The following LCORL variants were observed in gnomAD, a reference collection of about 807,000 sequenced individuals.
LCORL encodes ligand dependent nuclear receptor corepressor like.
LCORL carries 41 observed loss-of-function variants against 141.8 expected under a neutral mutation model. The observed-to-expected ratio is 0.29, with a 90% CI of 0.23 to 0.38. The LOEUF is 0.38. Ranked by LOEUF, LCORL falls within the 10% of genes least tolerant of loss-of-function variation. The pLI is 1.00. For missense variants in LCORL, 1,759 were observed against 2,035.0 expected, an observed-to-expected ratio of 0.86 and a Z score of 2.61; for synonymous variants, 618 against 694.1, an observed-to-expected ratio of 0.89 and a Z score of 1.72.
intron 1 of LCORL, among the ~76,000 whole-genome samples, chr4:17,974,054 A>G (rs1716478465): frequency 6.6e-6 from 1 of 152,102 alleles, no homozygotes; most frequent in African/African-American, 2.4e-5. Context: ...CTACTACTCG[A>G]GCAAGCTATC....
At chr4:17,912,407 ATGCCACTAAATCTCAGGACCT>A (rs978044154) in intron 4 of LCORL, 11 of 623,590 alleles carry the variant, frequency 1.8e-5, no homozygotes, top group African/African-American at 1.6e-4. Context: ...GCGGAGGTAG[ATGCCACTAAATCTCAGGACCT>A]TGCCAAGATC....
intron 1 of LCORL, among the ~76,000 whole-genome samples, chr4:17,990,004 G>A (rs1719674994): frequency 6.6e-6 from 1 of 151,698 alleles, no homozygotes; most frequent in South Asian, 2.1e-4. Flanking sequence ...TTAATATGTA[G>A]CTCCCTCCAT....
intron 4 of LCORL, among the ~76,000 whole-genome samples, chr4:17,911,329 G>A (rs1324825970): frequency 1.3e-5 from 2 of 151,988 alleles, no homozygotes; most frequent in Admixed American, 1.3e-4. Context: ...CATGGAAAAC[G>A]CATATTATAA....
chr4:17,905,644 G>C (rs961385142), intron 5 of LCORL, among the ~76,000 whole-genome samples: 1 of 151,962 alleles, frequency 6.6e-6, no homozygotes, highest in African/African-American at 2.4e-5. Flanking sequence ...ATTTGGCATG[G>C]AGAATTTCAT....
At chr4:17,938,577 C>T (rs1468700116) in intron 4 of LCORL, among the ~76,000 whole-genome samples, 1 of 151,160 alleles carries the variant, frequency 6.6e-6, no homozygotes. Flanking sequence ...CCACCACACC[C>T]GGCTAATTTT....
chr4:17,933,874 A>G (rs1736436445), intron 4 of LCORL, among the ~76,000 whole-genome samples: 3 of 152,010 alleles, frequency 2.0e-5, no homozygotes, highest in African/African-American at 7.2e-5. Context: ...TGAAGAGTTG[A>G]TATGTTTTCA....
At chr4:17,895,154 A>C (rs1729720990) in intron 5 of LCORL, among the ~76,000 whole-genome samples, 1 of 152,046 alleles carries the variant, frequency 6.6e-6, no homozygotes, top group Non-Finnish European at 1.5e-5. Flanking sequence ...TATTCACCTC[A>C]AACACTTGTC....
At chr4:17,887,394 G>A (rs1218024124) in intron 5 of LCORL, among the ~76,000 whole-genome samples, 1 of 152,108 alleles carries the variant, frequency 6.6e-6, no homozygotes, top group East Asian at 1.9e-4. Flanking sequence ...GGGTGGGGCT[G>A]AGAATGCTGC....
At chr4:17,914,515 C>T (rs1455765569) in intron 4 of LCORL, among the ~76,000 whole-genome samples, 1 of 152,086 alleles carries the variant, frequency 6.6e-6, no homozygotes, top group Admixed American at 6.6e-5. Flanking sequence ...GGAATAAGTC[C>T]ATGTTTGAGA....
intron 4 of LCORL, among the ~76,000 whole-genome samples, chr4:17,932,096 T>C (rs1736139223): frequency 2.0e-5 from 3 of 152,214 alleles, no homozygotes. Context: ...TGGCTTTCTT[T>C]ATTGTTTTCA....
chr4:17,935,137 CAGA>C (rs1384771603), intron 4 of LCORL, among the ~76,000 whole-genome samples: 7 of 152,094 alleles, frequency 4.6e-5, no homozygotes, highest in African/African-American at 4.8e-5. Flanking sequence ...TTGGTAGGTA[CAGA>C]AGAAGAAAGA....
chr4:17,954,748 T>C (rs2109559280), intron 4 of LCORL, among the ~76,000 whole-genome samples: 1 of 152,248 alleles, frequency 6.6e-6, no homozygotes, highest in East Asian at 1.9e-4. Flanking sequence ...AGGTTGCATG[T>C]GGGCTGTAAA....
At position 17,891,900 on chromosome 4, in the gene LCORL, T is replaced by C. The variant is rs368096479; in HGVS notation, c.683-5739A>G. On this transcript the variant is annotated intron_variant, in intron 5 of 7. Transcript: ENST00000635767. ...GTGCATGCACATACCTAGGTATGTA[T>C]GTGCCTACATATACACTTACACATA... Among the ~76,000 whole-genome samples the C allele has an allele frequency of 1.9e-4, 29 of 152,348 alleles. 1 individual carries two copies. The South Asian group carries it at 3.1e-3, about 16-fold the overall frequency.
At chr4:17,967,110 T>C (rs775681255) in intron 2 of LCORL, among the ~76,000 whole-genome samples, 1 of 152,094 alleles carries the variant, frequency 6.6e-6, no homozygotes, top group Non-Finnish European at 1.5e-5. Flanking sequence ...TGAAAAGTAA[T>C]AGAGGACCCT....
exon 8 of LCORL, chr4:17,842,010 T>A (rs1722459642): frequency 7.3e-6 from 2 of 274,946 alleles, no homozygotes; most frequent in Admixed American, 4.9e-5. Flanking sequence ...TAACACATTT[T>A]TCATATACTG....
At chr4:17,984,199 T>C (rs1255987528) in intron 1 of LCORL, among the ~76,000 whole-genome samples, 2 of 152,216 alleles carry the variant, frequency 1.3e-5, no homozygotes, top group South Asian at 2.1e-4. Flanking sequence ...TTTGCATCTA[T>C]GTTCTTCAAG....
chr4:17,878,340 A>G, intron 6 of LCORL, 127 bp from the exon 7 acceptor site: 1 of 498,936 alleles, frequency 2.0e-6, no homozygotes, highest in Non-Finnish European at 3.1e-6. Context: ...GAGAGCTGCA[A>G]TAATGGCATT....
rs555845728 is a variant in LCORL at position 18,021,585 on chromosome 4, G to C, written c.154+13C>G. ...CGCGCGGAGCCCGGGGCCCCGGCCC[G>C]CGTCTCTCTTACCTACACAGTGCAT... On this transcript the variant is annotated intron_variant, in intron 1 of 7. Coordinates refer to ENST00000635767, the Ensembl canonical transcript of LCORL. This position sits in a 1 kb window ranked among gnomAD's most constrained non-coding sequence, Gnocchi z 5.5. The C allele has an allele frequency of 3.3e-6, 5 of 1,516,336 alleles. No homozygotes were observed. The highest frequency in any genetic ancestry group is 2.2e-5 in the Admixed American group (1 of 46,250). The allele number at this position is 1,516,336 out of a possible 1,614,324, so 93.9% of individuals were successfully genotyped here.
rs755067795 is a variant in LCORL at position 17,909,112 on chromosome 4, C to G, written c.664G>C (p.Glu222Gln). The change falls in exon 5 of 8, where the codon GAA becomes CAA. Residue 222 changes from glutamate to glutamine, a missense_variant. Around this residue, in one of 5 missense-constraint regions of LCORL, gnomAD observed 1,311 missense variants for 1,531.3 expected, o/e 0.86. Coordinates refer to ENST00000635767, the Ensembl canonical transcript of LCORL. The stretch of plus-strand genomic sequence containing the variant: ...ATCTTACCTTGCTGAGTATTTTGTT[C>G]TTGCATTCGATTCACAGTGAGGTCT... 1 of 1,597,370 alleles carries G rather than the reference C, an allele frequency of 6.3e-7. No homozygotes were observed. The highest frequency in any genetic ancestry group is 8.5e-7 in the Non-Finnish European group (1 of 1,174,206).
Sources: allele counts gnomAD v4.1 joint callset (sites outside exome capture counted in the v4.1 genomes callset), GRCh38; gene constraint gnomAD v4.1.1; regional missense constraint gnomAD v4.1.1; non-coding constraint Gnocchi (gnomAD v3.1); transcripts MANE v1.5; gene names NCBI Gene and HGNC (gene_info 2026-07-23, HGNC 2026-07-21).